The following MROH2A variants were observed in gnomAD, a reference collection of about 807,000 sequenced individuals.
MROH2A encodes maestro heat-like repeat-containing protein family member 2A.
A neutral mutation model predicts 200.4 loss-of-function variants in MROH2A; 174 were observed. That is an observed-to-expected ratio of 0.87 (90% CI 0.77 to 0.98). MROH2A has a LOEUF of 0.98. Ranked by LOEUF, MROH2A falls within the 50% of genes least tolerant of loss-of-function variation. MROH2A has a pLI of 0.00. For synonymous variants in MROH2A, 829 were observed against 840.4 expected (o/e 0.99, Z 0.23); for missense variants, 2,045 against 2,139.6 (o/e 0.96, Z 0.87).
At chr2:233,806,976 T>C (rs953316526) in intron 19 of MROH2A, among the ~76,000 whole-genome samples, 1 of 152,046 alleles carries the variant, frequency 6.6e-6, no homozygotes, top group African/African-American at 2.4e-5. Context: ...GCAAAGTCCA[T>C]TGTATCATTC....
rs911146455 is a variant in MROH2A at position 233,803,609 on chromosome 2, G to T, written c.1749+121G>T. On this transcript the variant is annotated intron_variant, in intron 16 of 41. Transcript: ENST00000389758. ...GAGGAAGCTGAGGTGCAATGAGGGA[G>T]TTTGATGCTTGGCAGGACAGATCAT... 1.2e-5 allele frequency: 12 copies of T among 1,035,066 alleles called. No homozygotes were observed. In the African/African-American group the frequency reaches 1.3e-4, roughly 11 times the overall value. 64.1% of individuals were successfully genotyped at this position (1,035,066 alleles called of 1,614,324 possible). A position where few individuals can be genotyped will look rare whatever the true frequency, so the allele number is the denominator to read the frequency against.
At chr2:233,833,068 G>A in intron 41 of MROH2A, 70 bp from the exon 42 acceptor site, 1 of 1,462,984 alleles carries the variant, frequency 6.8e-7, no homozygotes, top group South Asian at 1.5e-5. Context: ...TGCCATCACT[G>A]CCCAGGGCAT....
chr2:233,775,895 T>C (rs1700692259), upstream of MROH2A: 1 of 152,242 alleles, frequency 6.6e-6, no homozygotes, highest in Non-Finnish European at 1.5e-5. Flanking sequence ...GCTATTTGTG[T>C]GATAGTGAGT....
Position 233,779,771 on chromosome 2 carries a change from C to G in MROH2A, c.195C>G (p.Ala65=). The G allele has an allele frequency of 6.4e-7, 1 of 1,550,870 alleles. No homozygotes were observed. Among genetic ancestry groups the G allele is most frequent in the South Asian group, 1.2e-5 (1 of 84,066 alleles). ...GAGLDMRKTL[A]SVIIMEKATT... ...GCCTTGACATGCGGAAGACCCTGGC[C>G]TCGGTGATAATCATGGAGAAGGCCA... The change falls in exon 3 of 42, where the codon GCC becomes GCG. Residue 65 remains alanine, a synonymous_variant. Transcript: ENST00000389758.
intron 12 of MROH2A, among the ~76,000 whole-genome samples, chr2:233,799,249 C>T (rs1009680963): frequency 1.3e-5 from 2 of 152,210 alleles, no homozygotes; most frequent in Non-Finnish European, 2.9e-5. Flanking sequence ...GCCACATCCA[C>T]CTTGGAGTGG....
At chr2:233,808,329 G>T (rs147840953) in intron 21 of MROH2A, among the ~76,000 whole-genome samples, 1 of 152,184 alleles carries the variant, frequency 6.6e-6, no homozygotes, top group Non-Finnish European at 1.5e-5. Flanking sequence ...GTCCATTGGC[G>T]TGCGGCTGGT....
Position 233,833,199 on chromosome 2 carries a change from C to T in MROH2A, c.4965C>T (p.Leu1655=), listed in dbSNP as rs903428520. 3.9e-6 allele frequency: 6 copies of T among 1,550,254 alleles called. No individual in the cohort carries two copies. The African/African-American group carries it at 5.5e-5, about 14-fold the overall frequency. The change falls in exon 42 of 42, where the codon CTC becomes CTT. Residue 1655 remains leucine (L), a synonymous_variant. Transcript: ENST00000389758. ...PGVRRAALET[L]TVLDSCSQHG... ...TCAGGAGGGCAGCCCTGGAGACGCT[C>T]ACAGTCTTGGATAGCTGTAGTCAGC...
rs762279641 is a variant in MROH2A at position 233,820,309 on chromosome 2, A to G, written c.3512+253A>G. ...CCGTAGCTCCCCACATGCCCGGGAC[A>G]GTGTCTGTGGAGTTCATTCTCTCCC... is the stretch of plus-strand genomic sequence containing the variant. On this transcript the variant is annotated intron_variant, in intron 31 of 41. Transcript: ENST00000389758. The surrounding 1 kb of genome is among the most constrained non-coding windows in gnomAD (Gnocchi z 4.1). Among the ~76,000 whole-genome samples, 7 of 152,176 alleles carry G rather than the reference A, an allele frequency of 4.6e-5. No individual in the cohort carries two copies. Among genetic ancestry groups the G allele is most frequent in the African/African-American group, 1.2e-4 (5 of 41,452 alleles).
upstream of MROH2A, among the ~76,000 whole-genome samples, chr2:233,776,427 C>T (rs943506260): frequency 1.4e-5 from 2 of 146,366 alleles, no homozygotes; most frequent in Non-Finnish European, 3.0e-5. Flanking sequence ...GTGATCTTGG[C>T]TCACTGCAAC....
intron 3 of MROH2A, 122 bp from the exon 4 acceptor site, chr2:233,789,375 T>G: frequency 9.6e-7 from 1 of 1,044,596 alleles, no homozygotes; most frequent in Non-Finnish European, 1.3e-6. Context: ...AATGGGGATC[T>G]AAGATTTGTG....
intron 28 of MROH2A, 148 bp from the exon 29 acceptor site, chr2:233,818,504 C>G (rs888834710): frequency 5.8e-6 from 4 of 690,790 alleles, no homozygotes; most frequent in Non-Finnish European, 1.1e-5. Context: ...AGGGAAGGAC[C>G]AGTGAGAGCA....
chr2:233,784,644 G>A (rs151215139), intron 3 of MROH2A, among the ~76,000 whole-genome samples: 106 of 152,196 alleles, frequency 7.0e-4, no homozygotes, highest in East Asian at 1.2e-3. Flanking sequence ...GGAGCCTGGC[G>A]CCTCCTCTGT....
rs531954806 is a variant in MROH2A, at chr2:233,789,587, C to G, written c.367C>G (p.Leu123Val). 3 of 1,493,908 alleles carry G rather than the reference C, an allele frequency of 2.0e-6. No individual in the cohort carries two copies. The highest frequency in any genetic ancestry group is 5.0e-5 in the East Asian group (2 of 40,274). The allele number at this position is 1,493,908 out of a possible 1,614,324, so 92.5% of individuals were successfully genotyped here. The part of the protein sequence containing the change: ...GELEEQCVQR[L>V]VAIASKEMRE... ...GCTGGAGGAGCAGTGCGTGCAGAGG[C>G]TGGTGGCCATTGCCTCCAAGGAGAT... The change falls in exon 4 of 42, where the codon CTG becomes GTG. Residue 123 changes from leucine (L) to valine (V), a missense_variant. Transcript: ENST00000389758.
At chr2:233,801,949 G>A (rs777848593) in intron 14 of MROH2A, among the ~76,000 whole-genome samples, 11 of 152,184 alleles carry the variant, frequency 7.2e-5, no homozygotes, top group Non-Finnish European at 1.6e-4. Context: ...GCCCCAGCAG[G>A]GACTAGCAGA....
intron 14 of MROH2A, among the ~76,000 whole-genome samples, chr2:233,800,728 A>G (rs1243191939): frequency 6.6e-6 from 1 of 152,158 alleles, no homozygotes; most frequent in East Asian, 1.9e-4. Context: ...TCTGTGAAAG[A>G]CAGGACAGAG....
intron 1 of MROH2A, 56 bp from the exon 2 acceptor site, chr2:233,779,289 T>C (rs1700816793): frequency 8.9e-7 from 1 of 1,127,400 alleles, no homozygotes; most frequent in East Asian, 2.6e-5. Context: ...GTCGTTGGGG[T>C]CATCTTAAGG....
intron 3 of MROH2A, among the ~76,000 whole-genome samples, chr2:233,786,196 C>T (rs924122375): frequency 5.0e-4 from 76 of 152,176 alleles, no homozygotes; most frequent in African/African-American, 1.8e-3. Flanking sequence ...ATTGTGAAGC[C>T]TCCCAACCAC....
At chr2:233,814,708 G>A in intron 26 of MROH2A, 31 bp downstream of exon 26, 1 of 1,461,466 alleles carries the variant, frequency 6.8e-7, no homozygotes, top group African/African-American at 1.4e-5. Flanking sequence ...CCAGAGCCAG[G>A]GATGGCCACT....
rs1310382809 is a variant in MROH2A at position 233,800,266 on chromosome 2, C to T, written c.1511C>T (p.Thr504Ile). Residue 504 changes from threonine (T) to isoleucine (I), a missense_variant, in exon 14 of 42, where the codon ACC becomes ATC. By Grantham distance (89) the Thr-to-Ile change is moderately conservative (BLOSUM62 -1). This residue lies in a region of MROH2A where 831 missense variants were observed against 800.0 expected (regional missense o/e 1.04). Coordinates refer to ENST00000389758, the MANE Select transcript of MROH2A (RefSeq NM_001394639.1). Reference protein sequence around the residue: ...DLEERMVHKVTMDTVKIITSS... With the variant: ...DLEERMVHKVIMDTVKIITSS... ...GAGGAGAGGATGGTCCACAAAGTCACCATGGACACTGTGAAGATCATTACC... is the reference window on the plus strand; with the variant it reads ...GAGGAGAGGATGGTCCACAAAGTCATCATGGACACTGTGAAGATCATTACC... The T allele has an allele frequency of 1.9e-6, 3 of 1,550,308 alleles. No homozygotes were observed. Among genetic ancestry groups the T allele is most frequent in the Admixed American group, 2.0e-5 (1 of 50,944 alleles).
Sources: gnomAD v4.1 joint callset for allele counts (sites outside exome capture counted in the v4.1 genomes callset) on GRCh38, gnomAD v4.1.1 for gene constraint, gnomAD v4.1.1 regional missense constraint, Gnocchi (gnomAD v3.1) non-coding constraint, MANE v1.5 for transcripts, NCBI Gene and HGNC (gene_info 2026-07-23, HGNC 2026-07-21) for gene names.